Variants in SLCO3A1 observed in about 807,000 individuals in gnomAD.
SLCO3A1 encodes the protein solute carrier organic anion transporter family member 3A1.
SLCO3A1 carries 27 observed loss-of-function variants against 63.1 expected under a neutral mutation model. The observed-to-expected ratio is 0.43, with a 90% confidence interval of 0.32 to 0.59. The LOEUF (loss-of-function observed/expected upper bound fraction) is 0.59, where lower values mean the gene tolerates loss of function less well. SLCO3A1 is among the 20% of genes least tolerant of loss of function. The pLI, the probability that SLCO3A1 is intolerant of heterozygous loss-of-function variation, is 0.09. For synonymous variants in SLCO3A1, 473 were observed against 409.9 expected, an observed-to-expected ratio of 1.15 and a Z score of -1.86; for missense variants, 773 against 945.8, an observed-to-expected ratio of 0.82 and a Z score of 2.40.
At chr15:92,118,659 C>G (rs1326644708) in intron 4 of SLCO3A1, among the ~76,000 whole-genome samples, 1 of 152,144 alleles carries the variant, frequency 6.6e-6, no homozygotes, top group Non-Finnish European at 1.5e-5. Flanking sequence ...CTGGCTAATT[C>G]ATCACCTTGG....
At position 92,163,704 on chromosome 15, in the gene SLCO3A1, A is replaced by ATGGG; in HGVS notation, c.*571_*574dup. The ATGGG allele has an allele frequency of 1.0e-6, 1 of 985,322 alleles. No individual in the cohort carries two copies. Among genetic ancestry groups the ATGGG allele is most frequent in the Non-Finnish European group, 1.2e-6 (1 of 829,978 alleles). 61.0% of individuals were successfully genotyped at this position (985,322 alleles called of 1,614,324 possible). A position where few individuals can be genotyped will look rare whatever the true frequency, so the allele number is the denominator to read the frequency against. ...CACTCCTCTCTCTGACTTTCGCAAT[A>ATGGG]TGGGTCACTGTGTAGACGACTCACC... On this transcript the variant is annotated 3_prime_UTR_variant, in exon 10 of 10. Coordinates refer to ENST00000318445, the MANE Select transcript of SLCO3A1 (RefSeq NM_013272.4).
chr15:92,154,092 C>G (rs2283456), intron 9 of SLCO3A1, among the ~76,000 whole-genome samples: 36,945 of 152,188 alleles, frequency 0.24, 4,696 homozygotes, highest in East Asian at 0.45. Context: ...AAGAACATGG[C>G]TGAAGAAGTT....
In SLCO3A1 at chr15:91,954,206, G is replaced by T. The variant is rs769387811; in HGVS notation, c.646+37748G>T. Among the ~76,000 whole-genome samples the T allele has an allele frequency of 7.8e-4, 118 of 152,168 alleles. No individual in the cohort carries two copies. The highest frequency in any genetic ancestry group is 1.9e-4 in the Non-Finnish European group (13 of 68,036). ...AGGGTGTTAGAGACAGACCCCTAGG[G>T]GTTTCTGAACCACGCACTGAGAATT... On this transcript the variant is annotated intron_variant, in intron 2 of 9. Coordinates refer to ENST00000318445, the MANE Select transcript of SLCO3A1 (RefSeq NM_013272.4). This position sits in a 1 kb window ranked among gnomAD's most constrained non-coding sequence, Gnocchi z 4.7.
intron 1 of SLCO3A1, among the ~76,000 whole-genome samples, chr15:91,871,671 A>C (rs1247164191): frequency 6.7e-6 from 1 of 150,276 alleles, no homozygotes; most frequent in African/African-American, 2.5e-5. Flanking sequence ...CAGGGCTCTG[A>C]GCCTTGCCAC....
At chr15:91,974,831 C>T (rs933951446) in intron 2 of SLCO3A1, among the ~76,000 whole-genome samples, 2 of 152,140 alleles carry the variant, frequency 1.3e-5, no homozygotes, top group African/African-American at 2.4e-5. Flanking sequence ...CCAGTGTCCC[C>T]ATTTAGCATC....
chr15:91,961,525 G>A (rs1900445198), intron 2 of SLCO3A1, among the ~76,000 whole-genome samples: 1 of 152,276 alleles, frequency 6.6e-6, no homozygotes, highest in African/African-American at 2.4e-5. Flanking sequence ...AGGTGTGTGG[G>A]ATTCCAGAGA....
chr15:91,873,798 A>G (rs973060237), intron 1 of SLCO3A1, among the ~76,000 whole-genome samples: 6 of 152,178 alleles, frequency 3.9e-5, no homozygotes, highest in African/African-American at 1.4e-4. Flanking sequence ...CGCAATTGCC[A>G]TTTCTAGCTC....
In SLCO3A1 at chr15:92,164,677, T is replaced by C; in HGVS notation, c.*1542T>C. ...GTCGTGTGTCCAATGCGTGAAAATG[T>C]CTGTGACATTTTCAGTGTTAGTCTT... On this transcript the variant is annotated 3_prime_UTR_variant, in exon 10 of 10. Transcript: ENST00000318445. The C allele has an allele frequency of 1.3e-5, 13 of 985,410 alleles. No individual in the cohort carries two copies. Among genetic ancestry groups the C allele is most frequent in the Non-Finnish European group, 1.6e-5 (13 of 829,942 alleles). The allele number at this position is 985,410 out of a possible 1,614,324, so 61.0% of individuals were successfully genotyped here. A position where few individuals can be genotyped will look rare whatever the true frequency, so the allele number is the denominator to read the frequency against.
At chr15:92,063,402 G>A (rs2047109889) in intron 2 of SLCO3A1, among the ~76,000 whole-genome samples, 1 of 152,138 alleles carries the variant, frequency 6.6e-6, no homozygotes, top group South Asian at 2.1e-4. Context: ...TCTGCCACCT[G>A]TTAGCCAAGT....
In SLCO3A1 at chr15:91,912,404, G is replaced by A. The variant is rs367596346; in HGVS notation, c.181-3589G>A. ...GCCACAGGTCAAGGAGGGAAAGACC[G>A]TACTACTTCCTGTCACCCCTGTGCG... On this transcript the variant is annotated intron_variant, in intron 1 of 9. Coordinates refer to ENST00000318445, the MANE Select transcript of SLCO3A1 (RefSeq NM_013272.4). This position sits in a 1 kb window ranked among gnomAD's most constrained non-coding sequence, Gnocchi z 5.0. 7.2e-5 allele frequency among the ~76,000 whole-genome samples: 11 copies of A among 152,188 alleles called. No homozygotes were observed. Among genetic ancestry groups the A allele is most frequent in the Non-Finnish European group, 1.2e-4 (8 of 68,040 alleles).
intron 2 of SLCO3A1, among the ~76,000 whole-genome samples, chr15:92,004,893 G>A (rs946525600): frequency 6.6e-6 from 1 of 152,176 alleles, no homozygotes; most frequent in Non-Finnish European, 1.5e-5. Flanking sequence ...GAGAGCAGAA[G>A]AACACTCCAA....
rs761842504 is a variant in SLCO3A1 at position 91,854,021 on chromosome 15, A to C, written c.113A>C (p.Asn38Thr). The C allele has an allele frequency of 6.5e-7, 1 of 1,545,954 alleles. No individual in the cohort carries two copies. Among genetic ancestry groups the C allele is most frequent in the African/African-American group, 1.4e-5 (1 of 70,392 alleles). Residue 38 changes from asparagine to threonine, a missense_variant, in exon 1 of 10, where the codon AAC becomes ACC. Asn to Thr is a moderately conservative substitution (Grantham distance 65). Around this residue, in one of 3 missense-constraint regions of SLCO3A1, gnomAD observed 69 missense variants for 64.6 expected, o/e 1.07. Transcript: ENST00000318445. The surrounding 1 kb of genome is among the most constrained non-coding windows in gnomAD (Gnocchi z 6.4). ...AAAAAGAAGGTGTCCTGCTTTTCCA[A>C]CATCAAGATCTTCCTGGTGTCCGAG... is the stretch of plus-strand genomic sequence containing the variant. ...KKKKKVSCFS[N>T]IKIFLVSECA...
intron 2 of SLCO3A1, among the ~76,000 whole-genome samples, chr15:92,041,809 C>T (rs1012283830): frequency 4.0e-4 from 61 of 152,198 alleles, no homozygotes; most frequent in Admixed American, 9.8e-4. Flanking sequence ...CACATAAACA[C>T]AGAGGATAAG....
At chr15:92,076,922 C>T (rs950791286) in intron 2 of SLCO3A1, among the ~76,000 whole-genome samples, 3 of 152,202 alleles carry the variant, frequency 2.0e-5, no homozygotes, top group African/African-American at 4.8e-5. Context: ...AATAAAGACA[C>T]ACCTACAACT....
chr15:92,147,161 T>C lies in SLCO3A1; in HGVS notation c.1688+2T>C, dbSNP rs757424098. 1 of 1,608,816 alleles carries C rather than the reference T, an allele frequency of 6.2e-7. No homozygotes were observed. The highest frequency in any genetic ancestry group is 1.1e-5 in the South Asian group (1 of 90,496). On this transcript the variant is annotated splice_donor_variant, in intron 8 of 9. Transcript: ENST00000318445. LOFTEE classifies it high-confidence loss of function. ...ACCCTCAGTCATCATCCTCATCAGGTAAGCCCTCGGCACAGCCCCGCCTCT... is the reference window on the plus strand; with the variant it reads ...ACCCTCAGTCATCATCCTCATCAGGCAAGCCCTCGGCACAGCCCCGCCTCT...
chr15:92,116,052 G>A (rs1251637513), intron 4 of SLCO3A1, among the ~76,000 whole-genome samples: 1 of 152,114 alleles, frequency 6.6e-6, no homozygotes, highest in Admixed American at 6.5e-5. Context: ...TGCCATGGCA[G>A]CAGGTACCAG....
rs536868455 is a variant in SLCO3A1 at position 91,872,710 on chromosome 15, T to C, written c.180+18622T>C. On this transcript the variant is annotated intron_variant, in intron 1 of 9. Transcript: ENST00000318445. The surrounding 1 kb of genome is among the most constrained non-coding windows in gnomAD (Gnocchi z 4.1). ...CTTCAGTGTCTTGAGTGTGTTGATA[T>C]TATTTTAACATGTTACCACCTGTGA... Among the ~76,000 whole-genome samples the C allele has an allele frequency of 1.9e-4, 29 of 152,338 alleles. No individual in the cohort carries two copies. Among genetic ancestry groups the C allele is most frequent in the African/African-American group, 6.7e-4 (28 of 41,566 alleles).
At chr15:91,927,222 C>A (rs1035663572) in intron 2 of SLCO3A1, among the ~76,000 whole-genome samples, 11 of 152,078 alleles carry the variant, frequency 7.2e-5, no homozygotes, top group African/African-American at 2.7e-4. Context: ...TCAGCCTAAC[C>A]GTGGGTGTTT....
At chr15:92,139,806 G>A (rs372364903) in intron 7 of SLCO3A1, among the ~76,000 whole-genome samples, 1 of 150,770 alleles carries the variant, frequency 6.6e-6, no homozygotes, top group Admixed American at 6.6e-5. Flanking sequence ...TGTATTTCTG[G>A]GGGATCGGTG....
Sources: allele counts gnomAD v4.1 joint callset (sites outside exome capture counted in the v4.1 genomes callset), GRCh38; gene constraint gnomAD v4.1.1; regional missense constraint gnomAD v4.1.1; non-coding constraint Gnocchi (gnomAD v3.1); transcripts MANE v1.5; gene names NCBI Gene and HGNC (gene_info 2026-07-23, HGNC 2026-07-21).